Variants in GGT5 observed in about 807,000 individuals in gnomAD.
GGT5 encodes glutathione hydrolase 5 proenzyme.
A neutral mutation model predicts 58.1 loss-of-function variants in GGT5; 50 were observed. That is an observed-to-expected ratio of 0.86 (90% CI 0.69 to 1.09). GGT5 has a LOEUF of 1.09. Ranked by LOEUF, GGT5 falls within the 50% of genes least tolerant of loss-of-function variation. The pLI is 0.00. For missense variants in GGT5, 800 were observed against 789.4 expected, an observed-to-expected ratio of 1.01 and a Z score of -0.16; for synonymous variants, 370 against 346.1, an observed-to-expected ratio of 1.07 and a Z score of -0.77.
chr22:24,230,893 A>C (rs966470592), intron 6 of GGT5, among the ~76,000 whole-genome samples: 2 of 152,278 alleles, frequency 1.3e-5, no homozygotes, highest in East Asian at 3.9e-4. Context: ...CAGAACTGTG[A>C]GAGGACACAT....
Position 24,232,805 on chromosome 22 carries a change from C to T in GGT5, c.596+18G>A. ...TGGCCTTGAACCCAGGAACCCAGGG[C>T]CACCATGTGGGGCTCACCGCAGGGT... On this transcript the variant is annotated intron_variant, in intron 4 of 11. Transcript: ENST00000327365. The T allele has an allele frequency of 6.8e-7, 1 of 1,469,914 alleles. No homozygotes were observed. Among genetic ancestry groups the T allele is most frequent in the South Asian group, 1.4e-5 (1 of 73,034 alleles). 91.1% of individuals were successfully genotyped at this position (1,469,914 alleles called of 1,614,324 possible).
intron 1 of GGT5, chr22:24,244,312 CA>C: frequency 4.0e-6 from 2 of 496,136 alleles, no homozygotes; most frequent in East Asian, 3.3e-5. Flanking sequence ...CACACACACA[CA>C]CACCCACCCA....
In GGT5 at chr22:24,219,788, G is replaced by A. The variant is rs914930434; in HGVS notation, c.*182C>T. ...GGACCACCAGGGGCTCTGGGAAAGG[G>A]GGTTAGGGATGAGGCTCAGCCTCTC... is the stretch of plus-strand genomic sequence containing the variant. On this transcript the variant is annotated 3_prime_UTR_variant, in exon 12 of 12. Coordinates refer to ENST00000327365, the MANE Select transcript of GGT5 (RefSeq NM_004121.5). 4 of 610,526 alleles carry A rather than the reference G, an allele frequency of 6.6e-6. No individual in the cohort carries two copies. Among genetic ancestry groups the A allele is most frequent in the Admixed American group, 3.0e-5 (1 of 33,404 alleles). 37.8% of individuals were successfully genotyped at this position (610,526 alleles called of 1,614,324 possible). A position where few individuals can be genotyped will look rare whatever the true frequency, so the allele number is the denominator to read the frequency against.
In GGT5 at chr22:24,244,733, C is replaced by A. The variant is rs1238657018; in HGVS notation, c.-8G>T. Reference sequence around the variant, plus strand: ...CCCGTAGCCCCGGGCCATGGCTCTGCAGCCCAGGAGGAGAGGGGCGGCTGG... The same window carrying A: ...CCCGTAGCCCCGGGCCATGGCTCTGAAGCCCAGGAGGAGAGGGGCGGCTGG... On this transcript the variant is annotated 5_prime_UTR_variant, in exon 1 of 12. Coordinates refer to ENST00000327365, the MANE Select transcript of GGT5 (RefSeq NM_004121.5). 1.9e-6 allele frequency: 3 copies of A among 1,603,618 alleles called. No homozygotes were observed. Among genetic ancestry groups the A allele is most frequent in the Admixed American group, 1.7e-5 (1 of 58,654 alleles).
Position 24,233,589 on chromosome 22 carries a change from C to G in GGT5, c.309G>C (p.Lys103Asn). ...TCTCCCGGGCATTGATGACCTCCACCTTCCCTGGAGTAGGGCAGGGCAGGT... is the reference window on the plus strand; with the variant it reads ...TCTCCCGGGCATTGATGACCTCCACGTTCCCTGGAGTAGGGCAGGGCAGGT... The part of the protein sequence containing the change: ...IFTIYNVTTG[K>N]VEVINARETV... Residue 103 changes from lysine (K) to asparagine (N), a missense_variant, in exon 3 of 12, where the codon AAG becomes AAC. Coordinates refer to ENST00000327365, the MANE Select transcript of GGT5 (RefSeq NM_004121.5). 6.2e-7 allele frequency: 1 copy of G among 1,603,868 alleles called. No homozygotes were observed. Among genetic ancestry groups the G allele is most frequent in the Non-Finnish European group, 8.5e-7 (1 of 1,174,450 alleles).
chr22:24,244,751 G>C lies in GGT5; in HGVS notation c.-26C>G. On this transcript the variant is annotated 5_prime_UTR_variant, in exon 1 of 12. Transcript: ENST00000327365. ...GGCTCTGCAGCCCAGGAGGAGAGGGGCGGCTGGTGGGCAGACGGAGGGACG... is the reference window on the plus strand; with the variant it reads ...GGCTCTGCAGCCCAGGAGGAGAGGGCCGGCTGGTGGGCAGACGGAGGGACG... 1 of 1,584,882 alleles carries C rather than the reference G, an allele frequency of 6.3e-7. No individual in the cohort carries two copies. Among genetic ancestry groups the C allele is most frequent in the Non-Finnish European group, 8.6e-7 (1 of 1,163,548 alleles).
chr22:24,228,130 C>T (rs577709480), intron 6 of GGT5, among the ~76,000 whole-genome samples: 82 of 150,076 alleles, frequency 5.5e-4, no homozygotes, highest in African/African-American at 8.6e-4. Context: ...ACAGGACTCT[C>T]GTGCACAAGT....
Position 24,232,946 on chromosome 22 carries a change from G to T in GGT5, c.473C>A (p.Pro158His). Residue 158 changes from proline (P) to histidine (H), a missense_variant, in exon 4 of 12, where the codon CCC (proline) becomes CAC (histidine). Coordinates refer to ENST00000327365, the MANE Select transcript of GGT5 (RefSeq NM_004121.5). ...GGTGGGCTGGAACAGCTGCGCCCAG[G>T]GCAGGCGGCCATGGCGGCGGTGGGC... ...AEAHRRHGRL[P>H]WAQLFQPTIA... 6.4e-7 allele frequency: 1 copy of T among 1,570,394 alleles called. No individual in the cohort carries two copies. Among genetic ancestry groups the T allele is most frequent in the Non-Finnish European group, 8.6e-7 (1 of 1,157,962 alleles).
chr22:24,225,106 C>T lies in GGT5; in HGVS notation c.1504G>A (p.Ala502Thr), dbSNP rs758005500. The T allele has an allele frequency of 3.1e-6, 5 of 1,600,464 alleles. No homozygotes were observed. The East Asian group carries it at 9.1e-5, about 29-fold the overall frequency. ...CCAAGCCACAGCTTGCTCATGATGGCCTGGGGGAGAGATGAGGGTTTCAGG... is the reference window on the plus strand; with the variant it reads ...CCAAGCCACAGCTTGCTCATGATGGTCTGGGGGAGAGATGAGGGTTTCAGG... ...GELIISAVAQ[A>T]IMSKLWLGFD... Residue 502 changes from alanine (A) to threonine (T), a missense_variant and splice_region_variant, in exon 11 of 12, where the codon GCC becomes ACC. Coordinates refer to ENST00000327365, the MANE Select transcript of GGT5 (RefSeq NM_004121.5).
intron 1 of GGT5, among the ~76,000 whole-genome samples, chr22:24,235,695 T>A (rs1245223226): frequency 6.6e-6 from 1 of 152,082 alleles, no homozygotes; most frequent in Non-Finnish European, 1.5e-5. Flanking sequence ...CAAAGCCAAA[T>A]GACAAACTGG....
At chr22:24,232,424 A>C (rs1482653115) in intron 4 of GGT5, among the ~76,000 whole-genome samples, 4 of 152,042 alleles carry the variant, frequency 2.6e-5, no homozygotes, top group Admixed American at 6.5e-5. Context: ...AGGGAAGGCA[A>C]ATTTCCCAGT....
intron 7 of GGT5, 123 bp downstream of exon 7, chr22:24,226,508 C>A: frequency 9.1e-7 from 1 of 1,101,032 alleles, no homozygotes; most frequent in Non-Finnish European, 1.3e-6. Context: ...CAGTCCTGCC[C>A]TGGCCTAGAA....
chr22:24,219,988 C>A lies in GGT5; in HGVS notation c.1743G>T (p.Gly581=), dbSNP rs143973684. The A allele has an allele frequency of 2.5e-6, 4 of 1,614,102 alleles. No individual in the cohort carries two copies. The African/African-American group carries it at 5.3e-5, about 22-fold the overall frequency. Reference sequence around the variant, plus strand: ...CAGTGTCTTAGTAGCCTGCGGCCTCCCCACTCTTCCTCAGGTCCGAGACGG... The same window carrying A: ...CAGTGTCTTAGTAGCCTGCGGCCTCACCACTCTTCCTCAGGTCCGAGACGG... ...VYAVSDLRKS[G]EAAGY Residue 581 remains glycine, a synonymous_variant, in exon 12 of 12, where the codon GGG becomes GGT. Transcript: ENST00000327365.
At chr22:24,239,561 T>C (rs1327014431) in intron 1 of GGT5, among the ~76,000 whole-genome samples, 2 of 152,032 alleles carry the variant, frequency 1.3e-5, no homozygotes, top group East Asian at 3.9e-4. Flanking sequence ...GCCATAAGAT[T>C]GTTGTTGAAA....
At position 24,225,556 on chromosome 22, in the gene GGT5, G is replaced by T; in HGVS notation, c.1326C>A (p.Thr442=). Residue 442 remains threonine, a synonymous_variant, in exon 9 of 12, where the codon ACC becomes ACA. Transcript: ENST00000327365. ...AAGCTTTGTTCTCACCAGGTGAGGG[G>T]GTGGTGCCGGAACCCCGGGGGCATC... The part of the protein sequence containing the change: ...CERCPRGSGT[T]PSPVSGDRVG... The T allele has an allele frequency of 6.2e-7, 1 of 1,609,194 alleles. No homozygotes were observed. The highest frequency in any genetic ancestry group is 8.5e-7 in the Non-Finnish European group (1 of 1,175,568).
chr22:24,235,050 CTTTTTT>C lies in GGT5; in HGVS notation c.174-1052_174-1047del, dbSNP rs71189232. 5.9e-3 allele frequency among the ~76,000 whole-genome samples: 448 copies of C among 75,630 alleles called. 2 individuals carry two copies. The highest frequency in any genetic ancestry group is 0.023 in the African/African-American group (426 of 18,406). The allele number at this position is 75,630 out of a possible 152,430, so 49.6% of individuals were successfully genotyped here. A position where few individuals can be genotyped will look rare whatever the true frequency, so the allele number is the denominator to read the frequency against. ...CCTCCCCAGCACCTCAAGAAGCCAG[CTTTTTT>C]TTTTTTTTTTTTTTTTTTTTGAGAC... On this transcript the variant is annotated intron_variant, in intron 1 of 11. Coordinates refer to ENST00000327365, the MANE Select transcript of GGT5 (RefSeq NM_004121.5).
At position 24,231,411 on chromosome 22, in the gene GGT5, G is replaced by T; in HGVS notation, c.874C>A (p.Leu292Ile). The change falls in exon 6 of 12, where the codon CTC becomes ATC. Residue 292 changes from leucine (L) to isoleucine (I), a missense_variant. By Grantham distance (5) the Leu-to-Ile change is conservative. Coordinates refer to ENST00000327365, the MANE Select transcript of GGT5 (RefSeq NM_004121.5). ...CTTAGCACGTTGAGGATAAAGCTGAGAATGGCACCCCCTGCAGGCGGCGGT... is the reference window on the plus strand; with the variant it reads ...CTTAGCACGTTGAGGATAAAGCTGATAATGGCACCCCCTGCAGGCGGCGGT... ...SPPPPAGGAI[L>I]SFILNVLRGF... 1 of 1,554,548 alleles carries T rather than the reference G, an allele frequency of 6.4e-7. No homozygotes were observed.
In GGT5 at chr22:24,232,015, A is replaced by G. The variant is rs771585962; in HGVS notation, c.754+36T>C. On this transcript the variant is annotated intron_variant, in intron 5 of 11. Coordinates refer to ENST00000327365, the MANE Select transcript of GGT5 (RefSeq NM_004121.5). ...GTGCCCAGAACTTGGCTCTTCCTCC[A>G]GCAGGGATGGGGTATGGAACCTCAG... The G allele has an allele frequency of 2.5e-6, 4 of 1,588,420 alleles. No homozygotes were observed. In the East Asian group the frequency reaches 6.7e-5, roughly 27 times the overall value.
rs2047994598 is a variant in GGT5 at position 24,233,009 on chromosome 22, C to T, written c.410G>A (p.Trp137Ter). Residue 137 changes from tryptophan (W) to a stop codon, truncating the protein, a stop_gained, in exon 4 of 12, where the codon TGG becomes TAG. Transcript: ENST00000327365. LOFTEE classifies it high-confidence loss of function. Reference sequence around the variant, plus strand: ...ACGGAGCTCCCCGGGCACCCCGATCCACTGGGCCCCTGCATGGCACATCCC... The same window carrying T: ...ACGGAGCTCCCCGGGCACCCCGATCTACTGGGCCCCTGCATGGCACATCCC... ...QALPLGTGAQWIGVPGELRGY... is the reference protein window; with the variant it reads ...QALPLGTGAQ 2.0e-6 allele frequency: 3 copies of T among 1,535,232 alleles called. No homozygotes were observed. In the East Asian group the frequency reaches 7.3e-5, roughly 37 times the overall value.
Sources: gnomAD v4.1 joint callset for allele counts (sites outside exome capture counted in the v4.1 genomes callset) on GRCh38, gnomAD v4.1.1 for gene constraint, MANE v1.5 for transcripts, NCBI Gene and HGNC (gene_info 2026-07-23, HGNC 2026-07-21) for gene names.